Variants in AGBL1 observed in about 807,000 individuals in gnomAD.
AGBL1 encodes the protein AGBL carboxypeptidase 1, also known as cytosolic carboxypeptidase 4.
A neutral mutation model predicts 118.9 loss-of-function variants in AGBL1; 130 were observed. That is an observed-to-expected ratio of 1.09 (90% CI 0.95 to 1.26). AGBL1 has a LOEUF of 1.26. AGBL1 is among the 50% of genes most tolerant of loss of function. The pLI is 0.00. For synonymous variants in AGBL1, 555 were observed against 478.9 expected, an observed-to-expected ratio of 1.16 and a Z score of -2.08; for missense variants, 1,584 against 1,298.1, an observed-to-expected ratio of 1.22 and a Z score of -3.38.
Position 86,695,764 on chromosome 15 carries a change from C to T in AGBL1, c.3158+21328C>T, listed in dbSNP as rs55827978. Among the ~76,000 whole-genome samples, 267 of 151,980 alleles carry T rather than the reference C, an allele frequency of 1.8e-3. 4 individuals are homozygous for T. The highest frequency in any genetic ancestry group is 0.017 in the Middle Eastern group (5 of 294). On this transcript the variant is annotated intron_variant, in intron 22 of 22. Coordinates refer to ENST00000614907, the MANE Select transcript of AGBL1 (RefSeq NM_001386094.1). ...AATGTTCCTCTTAGCACCATCTTTG[C>T]TGTATCTCAGAGGTTTTAATGGGTT... is the stretch of plus-strand genomic sequence containing the variant.
chr15:86,559,656 C>T (rs1311968485), intron 21 of AGBL1, among the ~76,000 whole-genome samples: 1 of 152,136 alleles, frequency 6.6e-6, no homozygotes, highest in East Asian at 1.9e-4. Flanking sequence ...TATTGTACAA[C>T]AAAGCACTAC....
chr15:86,299,123 G>C (rs139373332), intron 17 of AGBL1, among the ~76,000 whole-genome samples: 23 of 152,272 alleles, frequency 1.5e-4, no homozygotes, highest in Non-Finnish European at 2.6e-4. Context: ...TTGGAGAACT[G>C]AGGACAGTCC....
chr15:86,258,262 TC>T (rs1200914835), intron 9 of AGBL1, among the ~76,000 whole-genome samples: 1 of 152,164 alleles, frequency 6.6e-6, no homozygotes, highest in Non-Finnish European at 1.5e-5. Flanking sequence ...TCAGAGGCTA[TC>T]CTATACATTA....
intron 6 of AGBL1, among the ~76,000 whole-genome samples, chr15:86,245,501 C>T (rs1480343208): frequency 1.3e-5 from 2 of 152,184 alleles, no homozygotes; most frequent in Non-Finnish European, 2.9e-5. Flanking sequence ...GCCAAGAGGG[C>T]CAGGCATCTA....
In AGBL1 at chr15:86,495,564, G is replaced by T. The variant is rs143576069; in HGVS notation, c.2556-27246G>T. Among the ~76,000 whole-genome samples, 700 of 151,678 alleles carry T rather than the reference G, an allele frequency of 4.6e-3. 8 individuals carry two copies. Among genetic ancestry groups the T allele is most frequent in the African/African-American group, 0.015 (634 of 41,428 alleles). ...AAATTGATAGATTCTGTTTTTTGAT[G>T]CCAGAAGGTCATGGTAGAGGTAACT... On this transcript the variant is annotated intron_variant, in intron 18 of 22. Coordinates refer to ENST00000614907, the MANE Select transcript of AGBL1 (RefSeq NM_001386094.1).
At chr15:86,917,523 A>C (rs1002720084), downstream of AGBL1, among the ~76,000 whole-genome samples, 13 of 152,224 alleles carry the variant, frequency 8.5e-5, no homozygotes, top group African/African-American at 3.1e-4. This position sits in a 1 kb window ranked among gnomAD's most constrained non-coding sequence, Gnocchi z 4.8. Flanking sequence ...GCAACATGCA[A>C]GGAGACAGAC....
intron 17 of AGBL1, among the ~76,000 whole-genome samples, chr15:86,372,542 C>T (rs1730878267): frequency 6.6e-6 from 1 of 152,234 alleles, no homozygotes; most frequent in South Asian, 2.1e-4. Context: ...CTCATTCATT[C>T]TCTATTTCTC....
intron 21 of AGBL1, among the ~76,000 whole-genome samples, chr15:86,636,222 A>T (rs1346860375): frequency 6.6e-6 from 1 of 152,100 alleles, no homozygotes; most frequent in Non-Finnish European, 1.5e-5. Flanking sequence ...CAAATTTTAT[A>T]ACAGTAGGGC....
At chr15:86,550,725 G>C (rs560278570) in intron 20 of AGBL1, among the ~76,000 whole-genome samples, 11 of 152,028 alleles carry the variant, frequency 7.2e-5, no homozygotes, top group Admixed American at 5.9e-4. Context: ...AATTAGTATG[G>C]AGAACACCTG....
intron 18 of AGBL1, among the ~76,000 whole-genome samples, chr15:86,518,290 A>T (rs772733153): frequency 6.6e-6 from 1 of 151,590 alleles, no homozygotes; most frequent in African/African-American, 2.4e-5. Flanking sequence ...TTGTTTCCCA[A>T]CCTCTGGAGG....
chr15:86,279,557 A>G lies in AGBL1; in HGVS notation c.2076-82A>G, dbSNP rs878991787. The G allele has an allele frequency of 1.5e-5, 20 of 1,363,988 alleles. No individual in the cohort carries two copies. In the South Asian group the frequency reaches 1.8e-4, roughly 12 times the overall value. 84.5% of individuals were successfully genotyped at this position (1,363,988 alleles called of 1,614,324 possible). On this transcript the variant is annotated intron_variant, in intron 15 of 22. Coordinates refer to ENST00000614907, the MANE Select transcript of AGBL1 (RefSeq NM_001386094.1). ...GGACAGTATATAACGCACAAGATTT[A>G]TAGCATCTAGGACCCTAAATGACCC...
chr15:86,710,566 T>C (rs1596393129), intron 22 of AGBL1, among the ~76,000 whole-genome samples: 1 of 152,164 alleles, frequency 6.6e-6, no homozygotes, highest in Admixed American at 6.6e-5. Context: ...CACATTTGAT[T>C]ACCCTTTAAA....
intron 17 of AGBL1, among the ~76,000 whole-genome samples, chr15:86,353,994 ATACTT>A (rs775161701): frequency 3.9e-5 from 6 of 152,208 alleles, no homozygotes; most frequent in African/African-American, 1.4e-4. Context: ...TTACAGAACA[ATACTT>A]TAATTTCAGA....
At chr15:86,653,029 G>A (rs2085401679) in intron 21 of AGBL1, among the ~76,000 whole-genome samples, 1 of 152,136 alleles carries the variant, frequency 6.6e-6, no homozygotes, top group Non-Finnish European at 1.5e-5. Context: ...CCTTGTTATA[G>A]ACCCTAACAA....
At chr15:87,012,849 T>C (rs1434273077) in intron 24 of AGBL1, among the ~76,000 whole-genome samples, 1 of 152,126 alleles carries the variant, frequency 6.6e-6, no homozygotes, top group Non-Finnish European at 1.5e-5. Flanking sequence ...TAGAGGGAGA[T>C]GATTGCCCTT....
Position 87,011,808 on chromosome 15 carries a change from T to C in AGBL1, c.3324-17017T>C, listed in dbSNP as rs576682755. 4.6e-5 allele frequency among the ~76,000 whole-genome samples: 7 copies of C among 152,330 alleles called. No individual in the cohort carries two copies. The South Asian group carries it at 1.5e-3, about 32-fold the overall frequency. On this transcript the variant is annotated intron_variant, in intron 24 of 24. Coordinates refer to the AGBL1 transcript ENST00000441037. ...TGGCTTAGCCACTTGTTTAAGATAA[T>C]AAAAGTTGCACCCATTGGAGATATT... is the stretch of plus-strand genomic sequence containing the variant.
At chr15:86,159,453 A>G (rs1436045544) in intron 5 of AGBL1, among the ~76,000 whole-genome samples, 2 of 152,156 alleles carry the variant, frequency 1.3e-5, no homozygotes, top group African/African-American at 4.8e-5. Flanking sequence ...TTCATAAATG[A>G]CAGGGTCTCT....
chr15:86,922,253 C>A (rs989480634), intron 23 of AGBL1, among the ~76,000 whole-genome samples: 4 of 152,184 alleles, frequency 2.6e-5, no homozygotes, highest in African/African-American at 7.2e-5. Flanking sequence ...TACATTGTTG[C>A]ATATAGCAAA....
At chr15:86,261,041 T>A (rs79257962) in intron 9 of AGBL1, among the ~76,000 whole-genome samples, 2,676 of 152,268 alleles carry the variant, frequency 0.018, 48 homozygotes, top group East Asian at 0.068. Flanking sequence ...ACAACCATGA[T>A]CAAATGAATG....
Sources: allele counts gnomAD v4.1 joint callset (sites outside exome capture counted in the v4.1 genomes callset), GRCh38; gene constraint gnomAD v4.1.1; non-coding constraint Gnocchi (gnomAD v3.1); transcripts MANE v1.5; gene names NCBI Gene and HGNC (gene_info 2026-07-23, HGNC 2026-07-21).